The following ADGRL2 variants were observed in gnomAD, a reference collection of about 807,000 sequenced individuals.
ADGRL2 encodes calcium-independent alpha-latrotoxin receptor 2.
A neutral mutation model predicts 157.4 loss-of-function variants in ADGRL2; 44 were observed. That is an observed-to-expected ratio of 0.28 (90% confidence interval 0.22 to 0.36). The LOEUF (loss-of-function observed/expected upper bound fraction) is 0.36, where lower values mean the gene tolerates loss of function less well. Ranked by LOEUF, ADGRL2 falls within the 10% of genes least tolerant of loss-of-function variation. The pLI, the probability that ADGRL2 is intolerant of heterozygous loss-of-function variation, is 1.00. For synonymous variants in ADGRL2, 585 were observed against 624.7 expected, an observed-to-expected ratio of 0.94 and a Z score of 0.95; for missense variants, 1,510 against 1,768.9, an observed-to-expected ratio of 0.85 and a Z score of 2.63.
intron 1 of ADGRL2, among the ~76,000 whole-genome samples, chr1:81,731,760 C>T (rs1316769407): frequency 6.6e-6 from 1 of 152,068 alleles, no homozygotes; most frequent in East Asian, 1.9e-4. Context: ...AAATTCTTCC[C>T]AAAGAAGAGT....
At chr1:81,337,705 T>C (rs762056657) in intron 1 of ADGRL2, among the ~76,000 whole-genome samples, 4 of 152,208 alleles carry the variant, frequency 2.6e-5, no homozygotes, top group Non-Finnish European at 2.9e-5. Flanking sequence ...TCCATTGGTC[T>C]ACAGGATTTG....
chr1:81,382,056 G>T (rs1207004782), intron 1 of ADGRL2, among the ~76,000 whole-genome samples: 1 of 152,176 alleles, frequency 6.6e-6, no homozygotes, highest in Admixed American at 6.5e-5. Context: ...AAAGAATCTT[G>T]TAGATATTCT....
chr1:81,514,625 C>T (rs61747873), intron 2 of ADGRL2: 1 of 152,172 alleles, frequency 6.6e-6, no homozygotes, highest in Non-Finnish European at 1.5e-5. Flanking sequence ...TTCAGACTCA[C>T]GTACAGTTGT....
intron 1 of ADGRL2, among the ~76,000 whole-genome samples, chr1:81,320,528 T>G (rs1277602848): frequency 6.6e-6 from 1 of 152,210 alleles, no homozygotes; most frequent in Non-Finnish European, 1.5e-5. Flanking sequence ...AATTCCTCCT[T>G]GATTTATAGG....
At chr1:81,884,848 CTTATA>C (rs1347465472) in intron 2 of ADGRL2, among the ~76,000 whole-genome samples, 1 of 151,938 alleles carries the variant, frequency 6.6e-6, no homozygotes, top group Non-Finnish European at 1.5e-5. Context: ...GGTAATATTG[CTTATA>C]TTATATAGTA....
chr1:81,353,427 G>A (rs1455506706), intron 1 of ADGRL2, among the ~76,000 whole-genome samples: 2 of 152,154 alleles, frequency 1.3e-5, no homozygotes, highest in African/African-American at 2.4e-5. Context: ...GTAGGACAGA[G>A]TTCTGATGGC....
At chr1:81,670,818 G>A (rs1303148167) in intron 3 of ADGRL2, among the ~76,000 whole-genome samples, 1 of 152,178 alleles carries the variant, frequency 6.6e-6, no homozygotes, top group Non-Finnish European at 1.5e-5. Flanking sequence ...AGGCTCAAGA[G>A]ATCCTCTCAC....
In ADGRL2 at chr1:81,683,206, GAA is replaced by G. The variant is rs2083156875; in HGVS notation, c.-142-78602_-142-78601del. Among the ~76,000 whole-genome samples the G allele has an allele frequency of 2.0e-5, 3 of 152,326 alleles. 1 individual carries two copies. Among genetic ancestry groups the G allele is most frequent in the African/African-American group, 7.2e-5 (3 of 41,570 alleles). On this transcript the variant is annotated intron_variant, in intron 3 of 24. Transcript: ENST00000370721. ...TAGACATGAATGTGCATATTTCTCAGAAAAGAGTCCATAGCTGTCTTTGGATT... is the reference window on the plus strand; with the variant it reads ...TAGACATGAATGTGCATATTTCTCAGAAGAGTCCATAGCTGTCTTTGGATT...
chr1:81,430,697 A>G (rs1338817841), intron 1 of ADGRL2, among the ~76,000 whole-genome samples: 3 of 152,122 alleles, frequency 2.0e-5, no homozygotes, highest in Non-Finnish European at 2.9e-5. Context: ...GTTGTTTTTA[A>G]TAGCCTAACT....
chr1:81,750,126 T>A (rs1227925724), intron 1 of ADGRL2, among the ~76,000 whole-genome samples: 1 of 152,246 alleles, frequency 6.6e-6, no homozygotes, highest in Non-Finnish European at 1.5e-5. Context: ...ACAAGCTTTT[T>A]CAAAAGTATC....
intron 2 of ADGRL2, among the ~76,000 whole-genome samples, chr1:81,860,433 T>A (rs2093353694): frequency 6.6e-6 from 1 of 152,152 alleles, no homozygotes; most frequent in Admixed American, 6.6e-5. Context: ...TGCCTTGACC[T>A]CCCAAAGTGC....
intron 3 of ADGRL2, among the ~76,000 whole-genome samples, chr1:81,659,485 G>T (rs1257511541): frequency 1.3e-5 from 2 of 152,138 alleles, no homozygotes; most frequent in African/African-American, 4.8e-5. Flanking sequence ...TTAGTATAAG[G>T]CTTCTTTCCT....
chr1:81,908,628 A>G (rs1465219494), intron 3 of ADGRL2, among the ~76,000 whole-genome samples: 1 of 152,182 alleles, frequency 6.6e-6, no homozygotes, highest in East Asian at 1.9e-4. Context: ...GCTGGATTGT[A>G]TAGTATGAGT....
intron 2 of ADGRL2, among the ~76,000 whole-genome samples, chr1:81,870,702 G>C (rs764292339): frequency 3.9e-5 from 6 of 152,158 alleles, no homozygotes; most frequent in Non-Finnish European, 8.8e-5. Flanking sequence ...GGCACTAATA[G>C]TGTTGAAATA....
At chr1:81,712,300 C>T (rs1422174143) in intron 1 of ADGRL2, among the ~76,000 whole-genome samples, 1 of 152,140 alleles carries the variant, frequency 6.6e-6, no homozygotes, top group Non-Finnish European at 1.5e-5. Flanking sequence ...AGCCAGATGT[C>T]ATCTTTCAAG....
chr1:81,905,297 A>G (rs1218081838), intron 2 of ADGRL2, among the ~76,000 whole-genome samples: 1 of 152,018 alleles, frequency 6.6e-6, no homozygotes, highest in South Asian at 2.1e-4. Context: ...GGGTTTCACC[A>G]TGTTAGCCAG....
Position 81,952,972 on chromosome 1 carries a change from T to A in ADGRL2, c.1795-15T>A. 6.2e-7 allele frequency: 1 copy of A among 1,607,522 alleles called. No individual in the cohort carries two copies. Reference sequence around the variant, plus strand: ...AAAATCTAACCTCTGATTTTTCTTTTCTTTTACTTAAAAGCTCCAAAAACG... The same window carrying A: ...AAAATCTAACCTCTGATTTTTCTTTACTTTTACTTAAAAGCTCCAAAAACG... On this transcript the variant is annotated splice_polypyrimidine_tract_variant and intron_variant, in intron 9 of 23. Coordinates refer to ENST00000686636, the MANE Select transcript of ADGRL2 (RefSeq NM_001366006.2).
intron 2 of ADGRL2, among the ~76,000 whole-genome samples, chr1:81,858,940 CTAT>C (rs1288035641): frequency 6.6e-6 from 1 of 151,990 alleles, no homozygotes; most frequent in Non-Finnish European, 1.5e-5. Flanking sequence ...CGTATGGCAG[CTAT>C]TATTATTTAT....
chr1:81,522,201 G>A (rs2079336966), intron 2 of ADGRL2, among the ~76,000 whole-genome samples: 1 of 152,076 alleles, frequency 6.6e-6, no homozygotes, highest in Non-Finnish European at 1.5e-5. Context: ...CTGACCTCAG[G>A]TGATCTGCCC....
Sources: gnomAD v4.1 joint callset for allele counts (sites outside exome capture counted in the v4.1 genomes callset) on GRCh38, gnomAD v4.1.1 for gene constraint, MANE v1.5 for transcripts, NCBI Gene and HGNC (gene_info 2026-07-23, HGNC 2026-07-21) for gene names.